FAM171B: variants seen among roughly 807,000 people sequenced by gnomAD.
FAM171B encodes the protein protein FAM171B.
Under a neutral mutation model 75.6 loss-of-function variants are expected in FAM171B, and 19 were observed. That is an observed-to-expected ratio of 0.25 (90% confidence interval 0.18 to 0.37). FAM171B has a LOEUF of 0.37. Among genes scored for constraint, FAM171B ranks in the 10% least tolerant of loss-of-function variants. FAM171B has a pLI of 1.00. For synonymous variants in FAM171B, 367 were observed against 361.7 expected, an observed-to-expected ratio of 1.01 and a Z score of -0.17; for missense variants, 848 against 982.4, an observed-to-expected ratio of 0.86 and a Z score of 1.83.
In FAM171B at chr2:186,747,150, C is replaced by G. The variant is rs760724045; in HGVS notation, c.624C>G (p.Asn208Lys). 11 of 1,607,104 alleles carry G rather than the reference C, an allele frequency of 6.8e-6. No homozygotes were observed. In the Admixed American group the frequency reaches 1.7e-4, roughly 25 times the overall value. ...FSKALIKLPD[N>K]HHISNVTGYL... ...AAGCCTTAATTAAACTTCCTGACAA[C>G]CATCATATTAGCAACGTTACTGGCT... is the stretch of plus-strand genomic sequence containing the variant. Residue 208 changes from asparagine (N) to lysine (K), a missense_variant, in exon 4 of 8, where the codon AAC becomes AAG. Asn to Lys is a moderately conservative substitution (Grantham distance 94). Transcript: ENST00000304698.
At chr2:186,704,353 G>A (rs1163906901) in intron 1 of FAM171B, among the ~76,000 whole-genome samples, 11 of 152,016 alleles carry the variant, frequency 7.2e-5, no homozygotes. Context: ...AAAAACAGAA[G>A]TATTCCCTTC....
At chr2:186,736,967 CTT>C (rs1234261980) in intron 1 of FAM171B, among the ~76,000 whole-genome samples, 2 of 152,122 alleles carry the variant, frequency 1.3e-5, no homozygotes, top group Non-Finnish European at 2.9e-5. Flanking sequence ...GAAGTGCTCT[CTT>C]ATAGTGGAAT....
In FAM171B at chr2:186,733,726, C is replaced by T. The variant is rs1209766156; in HGVS notation, c.239-6502C>T. Among the ~76,000 whole-genome samples the T allele has an allele frequency of 2.6e-5, 4 of 152,200 alleles. No individual in the cohort carries two copies. The South Asian group carries it at 8.3e-4, about 32-fold the overall frequency. ...GACATACCAACTGTGACAGGGCAGG[C>T]AGCTCCAGGCACTGGCATGGGTGCT... On this transcript the variant is annotated intron_variant, in intron 1 of 7. Transcript: ENST00000304698.
In FAM171B at chr2:186,730,323, T is replaced by C. The variant is rs1196042957; in HGVS notation, c.239-9905T>C. Among the ~76,000 whole-genome samples the C allele has an allele frequency of 2.6e-5, 4 of 152,236 alleles. No individual in the cohort carries two copies. The East Asian group carries it at 7.7e-4, about 29-fold the overall frequency. ...TGGGAAATGTCTTACAGGTGTGTAT[T>C]AGGATGAAATTGGACAATATGTGTA... On this transcript the variant is annotated intron_variant, in intron 1 of 7. Coordinates refer to ENST00000304698, the MANE Select transcript of FAM171B (RefSeq NM_177454.4).
intron 1 of FAM171B, among the ~76,000 whole-genome samples, chr2:186,719,291 AT>A (rs973898092): frequency 6.6e-6 from 1 of 152,134 alleles, no homozygotes; most frequent in Non-Finnish European, 1.5e-5. Context: ...TCTGAGTTCC[AT>A]TTTTTTCTTC....
chr2:186,755,350 T>C (rs1255678508), intron 6 of FAM171B, among the ~76,000 whole-genome samples: 1 of 152,182 alleles, frequency 6.6e-6, no homozygotes, highest in Admixed American at 6.5e-5. Context: ...TTTTACAGAA[T>C]AAAAACAAAG....
chr2:186,719,563 A>G (rs1363202908), intron 1 of FAM171B, among the ~76,000 whole-genome samples: 2 of 152,244 alleles, frequency 1.3e-5, no homozygotes, highest in Non-Finnish European at 2.9e-5. Flanking sequence ...AAAAACAAAT[A>G]AAACAACAAT....
At chr2:186,726,129 A>G (rs564248218) in intron 1 of FAM171B, among the ~76,000 whole-genome samples, 4 of 152,320 alleles carry the variant, frequency 2.6e-5, no homozygotes, top group South Asian at 2.1e-4. Context: ...GATAAAAAGT[A>G]TATTTTATTT....
chr2:186,694,531 T>G, intron 1 of FAM171B, 120 bp downstream of exon 1: 1 of 1,325,830 alleles, frequency 7.5e-7, no homozygotes, highest in Non-Finnish European at 1.0e-6. Context: ...TCACCATCCC[T>G]CCCGATCTCT....
At chr2:186,744,367 G>C (rs1323374936) in intron 3 of FAM171B, among the ~76,000 whole-genome samples, 59 of 152,040 alleles carry the variant, frequency 3.9e-4, no homozygotes, top group Non-Finnish European at 1.5e-5. Flanking sequence ...ATTTTTAGAT[G>C]CTGCCTTATC....
chr2:186,747,775 TATTTCTATAAGGCTGTCATAATATA>T (rs1423177246), intron 4 of FAM171B, among the ~76,000 whole-genome samples: 7 of 152,196 alleles, frequency 4.6e-5, no homozygotes, highest in South Asian at 2.1e-4. Flanking sequence ...AGCACTCATA[TATTTCTATAAGGCTGTCATAATATA>T]ATTTCTATAA....
At chr2:186,738,419 G>T (rs1574107561) in intron 1 of FAM171B, among the ~76,000 whole-genome samples, 1 of 152,088 alleles carries the variant, frequency 6.6e-6, no homozygotes, top group African/African-American at 2.4e-5. Flanking sequence ...AGCCATCTGT[G>T]AGGCTGAGTC....
At chr2:186,726,671 G>A (rs1426284699) in intron 1 of FAM171B, among the ~76,000 whole-genome samples, 2 of 151,786 alleles carry the variant, frequency 1.3e-5, no homozygotes, top group Admixed American at 6.6e-5. Flanking sequence ...TCTTTGCCAG[G>A]ATACATTTGC....
At chr2:186,749,545 G>C (rs1319152704) in intron 4 of FAM171B, among the ~76,000 whole-genome samples, 3 of 152,140 alleles carry the variant, frequency 2.0e-5, no homozygotes. Flanking sequence ...TTGTCTTTCA[G>C]GTAATTTAGT....
At chr2:186,700,051 G>A (rs1195465351) in intron 1 of FAM171B, among the ~76,000 whole-genome samples, 1 of 150,478 alleles carries the variant, frequency 6.6e-6, no homozygotes, top group Non-Finnish European at 1.5e-5. Context: ...GTCAAGTCAG[G>A]TAATTTGATT....
At position 186,761,190 on chromosome 2, in the gene FAM171B, A is replaced by G. The variant is rs1690609163; in HGVS notation, c.1090A>G (p.Ile364Val). The change falls in exon 7 of 8, where the codon ATA (isoleucine) becomes GTA (valine). Residue 364 changes from isoleucine (I) to valine (V), a missense_variant. By Grantham distance (29) the Ile-to-Val change is conservative (BLOSUM62 3). Around this residue, in one of 3 missense-constraint regions of FAM171B, gnomAD observed 665 missense variants for 729.0 expected, o/e 0.91. Transcript: ENST00000304698. ...TCTTACAGCCATATTAGGAGGAACA[A>G]TAGTCATTGTCATTGGATTTTTTGC... is the stretch of plus-strand genomic sequence containing the variant. ...VFLTAILGGTIVIVIGFFAVL... is the reference protein window; with the variant it reads ...VFLTAILGGTVVIVIGFFAVL... 2 of 1,612,482 alleles carry G rather than the reference A, an allele frequency of 1.2e-6. No homozygotes were observed. The highest frequency in any genetic ancestry group is 1.7e-6 in the Non-Finnish European group (2 of 1,179,180).
At chr2:186,760,812 G>T (rs1690603382) in intron 6 of FAM171B, among the ~76,000 whole-genome samples, 1 of 151,726 alleles carries the variant, frequency 6.6e-6, no homozygotes, top group Admixed American at 6.6e-5. Flanking sequence ...CTAGACCCCA[G>T]GTTGAAGGAA....
intron 1 of FAM171B, among the ~76,000 whole-genome samples, chr2:186,738,205 C>T (rs532085004): frequency 2.0e-5 from 3 of 152,200 alleles, no homozygotes; most frequent in Non-Finnish European, 4.4e-5. Context: ...CTATTTTATT[C>T]CCACCGTCCA....
chr2:186,707,624 T>C (rs751759840), intron 1 of FAM171B, among the ~76,000 whole-genome samples: 2 of 152,158 alleles, frequency 1.3e-5, no homozygotes, highest in African/African-American at 4.8e-5. Flanking sequence ...GATTCATTAC[T>C]GCAGTCTCAA....
Sources: gnomAD v4.1 joint callset for allele counts (sites outside exome capture counted in the v4.1 genomes callset) on GRCh38, gnomAD v4.1.1 for gene constraint, gnomAD v4.1.1 regional missense constraint, MANE v1.5 for transcripts, NCBI Gene and HGNC (gene_info 2026-07-23, HGNC 2026-07-21) for gene names.